The following DCDC1 variants were observed in gnomAD, a reference collection of about 807,000 sequenced individuals.
DCDC1 encodes doublecortin domain-containing protein 1.
A neutral mutation model predicts 178.3 loss-of-function variants in DCDC1; 200 were observed. That is an observed-to-expected ratio of 1.12 (90% CI 1.00 to 1.26). DCDC1 has a LOEUF of 1.26. DCDC1 is among the 50% of genes most tolerant of loss of function. DCDC1 has a pLI of 0.00. For missense variants in DCDC1, 1,983 were observed against 1,749.2 expected (o/e 1.13, Z -2.38); for synonymous variants, 690 against 604.8 (o/e 1.14, Z -2.07).
rs76159001 is a variant in DCDC1, at chr11:30,951,908, A to G, written c.2715+537T>C. 1.1e-3 allele frequency among the ~76,000 whole-genome samples: 175 copies of G among 152,296 alleles called. 3 individuals carry two copies. In the East Asian group the frequency reaches 0.031, roughly 27 times the overall value. On this transcript the variant is annotated intron_variant, in intron 21 of 38. Transcript: ENST00000684477. The stretch of plus-strand genomic sequence containing the variant: ...CACACCTGTAATTGCAACACATAGA[A>G]AAGACCAAATACTTTAGACTACAGA...
chr11:30,884,033 A>ATTTT (rs59940255), intron 36 of DCDC1, among the ~76,000 whole-genome samples: 8 of 95,784 alleles, frequency 8.4e-5, no homozygotes, highest in Admixed American at 2.5e-4. Context: ...ATTCTTTCTC[A>ATTTT]TTTTTTTTTT....
intron 11 of DCDC1, among the ~76,000 whole-genome samples, chr11:31,112,493 G>A (rs1351676307): frequency 6.6e-6 from 1 of 152,122 alleles, no homozygotes; most frequent in African/African-American, 2.4e-5. Flanking sequence ...GTGGCTCTCT[G>A]CATGGCCTCA....
intron 17 of DCDC1, among the ~76,000 whole-genome samples, chr11:31,079,589 T>C (rs955792124): frequency 2.6e-5 from 4 of 152,114 alleles, no homozygotes; most frequent in Admixed American, 1.3e-4. Context: ...GACTGAGCCC[T>C]TAACTTGTGG....
intron 9 of DCDC1, among the ~76,000 whole-genome samples, chr11:31,154,894 T>C (rs976949663): frequency 6.6e-6 from 1 of 152,240 alleles, no homozygotes; most frequent in Admixed American, 6.5e-5. Flanking sequence ...TGCATTACTA[T>C]GCCCTACTAC....
chr11:31,368,810 C>T (rs1462812264), intron 1 of DCDC1, among the ~76,000 whole-genome samples: 1 of 151,876 alleles, frequency 6.6e-6, no homozygotes, highest in Non-Finnish European at 1.5e-5. Context: ...TCATGCTGGC[C>T]AAAAATAAGA....
At chr11:30,883,393 C>A in intron 36 of DCDC1, 1 of 380,800 alleles carries the variant, frequency 2.6e-6, no homozygotes, top group Non-Finnish European at 5.3e-6. Flanking sequence ...AGATATTAAA[C>A]CTATACATTA....
chr11:31,027,495 C>G (rs549816143), intron 20 of DCDC1, among the ~76,000 whole-genome samples: 1 of 151,854 alleles, frequency 6.6e-6, no homozygotes, highest in South Asian at 2.1e-4. Flanking sequence ...ATACCATAAA[C>G]CTCACAGAAA....
chr11:31,362,608 T>A (rs1013287635), intron 1 of DCDC1, among the ~76,000 whole-genome samples: 4 of 152,198 alleles, frequency 2.6e-5, no homozygotes, highest in Admixed American at 2.6e-4. Context: ...CTGTCATTTG[T>A]CTGTTACTTT....
At chr11:31,176,342 C>G (rs2136251588) in intron 9 of DCDC1, among the ~76,000 whole-genome samples, 1 of 152,250 alleles carries the variant, frequency 6.6e-6, no homozygotes, top group East Asian at 1.9e-4. Flanking sequence ...GTTGAAATAA[C>G]TCAGTCTGAG....
chr11:31,219,806 A>C (rs1247875278), intron 9 of DCDC1, among the ~76,000 whole-genome samples: 1 of 152,184 alleles, frequency 6.6e-6, no homozygotes, highest in South Asian at 2.1e-4. Flanking sequence ...TACCATTTTT[A>C]GGTATTATCT....
rs746710132 is a variant in DCDC1, at chr11:30,915,593, G to T, written c.3571C>A (p.Leu1191Ile). Residue 1191 changes from leucine to isoleucine, a missense_variant, in exon 27 of 39, where the codon CTC becomes ATC. Coordinates refer to ENST00000684477, the MANE Select transcript of DCDC1 (RefSeq NM_001387274.1). ...AAAACCACCTCCATGCCTGATCGGAGATTGGGACCTTGAACCCCCAAGACT... is the reference window on the plus strand; with the variant it reads ...AAAACCACCTCCATGCCTGATCGGATATTGGGACCTTGAACCCCCAAGACT... ...QLVLGVQGPN[L>I]RSGMEVVLVE... is the part of the protein sequence containing the mutation. 1.9e-6 allele frequency: 3 copies of T among 1,613,794 alleles called. No individual in the cohort carries two copies. Among genetic ancestry groups the T allele is most frequent in the Non-Finnish European group, 2.5e-6 (3 of 1,179,850 alleles).
intron 11 of DCDC1, among the ~76,000 whole-genome samples, chr11:31,112,847 A>G (rs208114): frequency 0.037 from 5,596 of 152,266 alleles, 133 homozygotes; most frequent in Middle Eastern, 0.15. Context: ...TATTCACTCA[A>G]CAAATATTTA....
rs113240992 is a variant in DCDC1 at position 30,915,002 on chromosome 11, A to G, written c.3653+509T>C. On this transcript the variant is annotated intron_variant, in intron 27 of 38. Coordinates refer to ENST00000684477, the MANE Select transcript of DCDC1 (RefSeq NM_001387274.1). Reference sequence around the variant, plus strand: ...GGTTCAAATTTGGATCCAGGACCAGACATTGAATTAGGTTGATATATTTGC... The same window carrying G: ...GGTTCAAATTTGGATCCAGGACCAGGCATTGAATTAGGTTGATATATTTGC... Among the ~76,000 whole-genome samples the G allele has an allele frequency of 1.8e-4, 27 of 152,202 alleles. 1 individual carries two copies. Among genetic ancestry groups the G allele is most frequent in the Non-Finnish European group, 4.0e-4 (27 of 68,036 alleles).
At chr11:30,902,855 TC>T (rs1392330852) in intron 32 of DCDC1, among the ~76,000 whole-genome samples, 1 of 152,170 alleles carries the variant, frequency 6.6e-6, no homozygotes, top group Non-Finnish European at 1.5e-5. Context: ...TAGCAGACTG[TC>T]GTTTGGGACA....
intron 9 of DCDC1, among the ~76,000 whole-genome samples, chr11:31,201,953 T>G (rs139642999): frequency 1.2e-3 from 180 of 152,318 alleles, no homozygotes; most frequent in African/African-American, 4.1e-3. Context: ...TTTTTTTTCT[T>G]GTGTGCTTTA....
intron 6 of DCDC1, among the ~76,000 whole-genome samples, chr11:31,295,079 T>C (rs1947591856): frequency 6.6e-6 from 1 of 152,218 alleles, no homozygotes; most frequent in Non-Finnish European, 1.5e-5. Context: ...CCAAAATCTG[T>C]AGATGCTCAA....
chr11:31,161,670 G>A (rs1487460844), intron 9 of DCDC1, among the ~76,000 whole-genome samples: 1 of 152,110 alleles, frequency 6.6e-6, no homozygotes, highest in African/African-American at 2.4e-5. Flanking sequence ...TTGCCAAATC[G>A]ATATACCACA....
rs114951790 is a variant in DCDC1, at chr11:31,223,899, A to C, written c.1221+17551T>G. ...TTGGCTGTGTCCCCACCAAATCTCA[A>C]CTTGAATTGTATCTCCAAGATACAA... On this transcript the variant is annotated intron_variant, in intron 9 of 38. Transcript: ENST00000684477. Among the ~76,000 whole-genome samples, 380 of 152,046 alleles carry C rather than the reference A, an allele frequency of 2.5e-3. 2 individuals carry two copies. The highest frequency in any genetic ancestry group is 8.7e-3 in the African/African-American group (359 of 41,490).
At chr11:31,030,321 T>C (rs1313552632) in intron 20 of DCDC1, among the ~76,000 whole-genome samples, 1 of 152,004 alleles carries the variant, frequency 6.6e-6, no homozygotes, top group Non-Finnish European at 1.5e-5. Flanking sequence ...ACACAGTTGG[T>C]AGACATAAAT....
Sources: allele counts gnomAD v4.1 joint callset (sites outside exome capture counted in the v4.1 genomes callset), GRCh38; gene constraint gnomAD v4.1.1; transcripts MANE v1.5; gene names NCBI Gene and HGNC (gene_info 2026-07-23, HGNC 2026-07-21).